TTC27: variants seen among roughly 807,000 people sequenced by gnomAD.
The protein encoded by TTC27 is tetratricopeptide repeat protein 27.
TTC27 carries 79 observed loss-of-function variants against 115.9 expected under a neutral mutation model. The observed-to-expected ratio is 0.68, with a 90% CI of 0.57 to 0.82. TTC27 has a LOEUF of 0.82. TTC27 is among the 40% of genes least tolerant of loss of function. TTC27 has a pLI of 0.00. For missense variants in TTC27, 1,054 were observed against 993.1 expected, an observed-to-expected ratio of 1.06 and a Z score of -0.82; for synonymous variants, 401 against 356.0, an observed-to-expected ratio of 1.13 and a Z score of -1.42.
At chr2:32,815,223 ATTTTTTTTT>A (rs533493768) in intron 18 of TTC27, among the ~76,000 whole-genome samples, 78 of 55,500 alleles carry the variant, frequency 1.4e-3, no homozygotes, top group Middle Eastern at 0.03. Context: ...GCTGCTTCAG[ATTTTTTTTT>A]TTTTTTTTTT....
intron 13 of TTC27, among the ~76,000 whole-genome samples, chr2:32,764,911 T>C (rs1669572493): frequency 6.6e-6 from 1 of 152,230 alleles, no homozygotes; most frequent in Non-Finnish European, 1.5e-5. Flanking sequence ...CAACCACATC[T>C]TCAGGCTCCC....
chr2:32,729,560 G>A (rs1305799314), intron 10 of TTC27, among the ~76,000 whole-genome samples: 1 of 152,100 alleles, frequency 6.6e-6, no homozygotes. Context: ...AATGTCTTTA[G>A]GCGGAGTTAG....
intron 12 of TTC27, among the ~76,000 whole-genome samples, chr2:32,752,301 T>C (rs997831559): frequency 6.6e-6 from 1 of 152,146 alleles, no homozygotes; most frequent in Non-Finnish European, 1.5e-5. Context: ...TAGTTAGGGG[T>C]AGATGAGCAG....
At chr2:32,716,637 G>C (rs548094017) in intron 10 of TTC27, among the ~76,000 whole-genome samples, 2 of 151,470 alleles carry the variant, frequency 1.3e-5, no homozygotes, top group South Asian at 4.2e-4. Flanking sequence ...CAATTGTTGG[G>C]GATTGTTACT....
At chr2:32,778,689 C>G (rs1174392539) in intron 14 of TTC27, among the ~76,000 whole-genome samples, 1 of 152,072 alleles carries the variant, frequency 6.6e-6, no homozygotes, top group African/African-American at 2.4e-5. Flanking sequence ...CTTTTTATGA[C>G]CAAATAATAT....
chr2:32,774,456 T>C (rs10192659), intron 13 of TTC27, among the ~76,000 whole-genome samples: 52,925 of 152,030 alleles, frequency 0.35, 9,902 homozygotes, highest in Non-Finnish European at 0.41. Flanking sequence ...ATTACAGGCA[T>C]GGACCACCTT....
At chr2:32,817,426 A>G in intron 18 of TTC27, 31 bp from the exon 19 acceptor site, 6 of 1,565,654 alleles carry the variant, frequency 3.8e-6, no homozygotes, top group Non-Finnish European at 5.3e-6. Flanking sequence ...ACACTTTTTA[A>G]TGGATGTTTC....
intron 12 of TTC27, among the ~76,000 whole-genome samples, chr2:32,738,362 C>G (rs1480684267): frequency 6.6e-6 from 1 of 152,196 alleles, no homozygotes; most frequent in Non-Finnish European, 1.5e-5. Context: ...AGTACGTACT[C>G]TAGTGCTTAC....
intron 12 of TTC27, among the ~76,000 whole-genome samples, chr2:32,737,342 C>T (rs898656880): frequency 6.6e-6 from 1 of 152,028 alleles, no homozygotes; most frequent in Non-Finnish European, 1.5e-5. Flanking sequence ...TTTTTTTCCC[C>T]TCATACATGA....
chr2:32,723,724 C>CCT (rs1553311553), intron 10 of TTC27, among the ~76,000 whole-genome samples: 367 of 25,094 alleles, frequency 0.015, 17 homozygotes, highest in Non-Finnish European at 0.026. Flanking sequence ...CCCTCCCTCC[C>CCT]TCCCTCCTTC....
At chr2:32,790,564 T>C (rs893378948) in intron 16 of TTC27, among the ~76,000 whole-genome samples, 4 of 152,218 alleles carry the variant, frequency 2.6e-5, no homozygotes, top group Admixed American at 2.0e-4. Context: ...TGTTTACCTA[T>C]CTTTTTATGG....
intron 17 of TTC27, among the ~76,000 whole-genome samples, chr2:32,811,596 G>A (rs956308902): frequency 1.3e-5 from 2 of 152,136 alleles, no homozygotes; most frequent in Admixed American, 1.3e-4. Flanking sequence ...GGAGTATTTA[G>A]ATCTGAGATG....
chr2:32,746,283 C>T (rs2151921655), intron 12 of TTC27, among the ~76,000 whole-genome samples: 1 of 150,986 alleles, frequency 6.6e-6, no homozygotes, highest in African/African-American at 2.4e-5. Flanking sequence ...CACATCTGGC[C>T]AGGCACAGTG....
At chr2:32,712,330 A>G (rs546106646) in intron 10 of TTC27, among the ~76,000 whole-genome samples, 54 of 152,326 alleles carry the variant, frequency 3.5e-4, no homozygotes, top group African/African-American at 1.3e-3. Context: ...TCAGGCTGCA[A>G]TTTTTTATTG....
chr2:32,813,757 A>G (rs1414375733), intron 18 of TTC27, among the ~76,000 whole-genome samples: 1 of 152,220 alleles, frequency 6.6e-6, no homozygotes, highest in Non-Finnish European at 1.5e-5. Flanking sequence ...GGTAGTTGAT[A>G]ATTCTACTTT....
chr2:32,696,702 A>C (rs529506576), intron 9 of TTC27, among the ~76,000 whole-genome samples: 1 of 152,194 alleles, frequency 6.6e-6, no homozygotes, highest in Admixed American at 6.5e-5. Flanking sequence ...TCTGACTTCA[A>C]TTCTTTCAGG....
chr2:32,747,101 C>G (rs1391395820), intron 12 of TTC27, among the ~76,000 whole-genome samples: 1 of 152,132 alleles, frequency 6.6e-6, no homozygotes, highest in South Asian at 2.1e-4. Context: ...ATAGAATATC[C>G]AGAACTGATG....
At chr2:32,755,866 C>G (rs1333312908) in intron 12 of TTC27, among the ~76,000 whole-genome samples, 1 of 152,204 alleles carries the variant, frequency 6.6e-6, no homozygotes, top group African/African-American at 2.4e-5. Flanking sequence ...AGCCAACTTA[C>G]CTCACAGTTG....
At chr2:32,653,347 C>A (rs745513905) in intron 5 of TTC27, among the ~76,000 whole-genome samples, 5 of 152,168 alleles carry the variant, frequency 3.3e-5, no homozygotes, top group Admixed American at 3.3e-4. Flanking sequence ...GTAATCCCAG[C>A]ACTTTGGGAG....
Sources: allele counts gnomAD v4.1 joint callset (sites outside exome capture counted in the v4.1 genomes callset), GRCh38; gene constraint gnomAD v4.1.1; transcripts MANE v1.5; gene names NCBI Gene and HGNC (gene_info 2026-07-23, HGNC 2026-07-21).